SYT16: variants seen among roughly 807,000 people sequenced by gnomAD.
The protein encoded by SYT16 is synaptotagmin-16.
In SYT16, 42 loss-of-function variants were observed where a neutral mutation model predicts 61.4. The ratio of observed to expected loss-of-function variants is 0.68; its 90% CI spans 0.53 to 0.89. The LOEUF is 0.89. Among genes scored for constraint, SYT16 ranks in the 40% least tolerant of loss-of-function variants. The pLI is 0.00. For synonymous variants in SYT16, 314 were observed against 302.3 expected (o/e 1.04, Z -0.40); for missense variants, 804 against 807.3 (o/e 1.00, Z 0.05).
chr14:61,989,034 A>G (rs954083962), intron 2 of SYT16, among the ~76,000 whole-genome samples: 2 of 152,104 alleles, frequency 1.3e-5, no homozygotes, highest in Non-Finnish European at 2.9e-5. Context: ...GTTTTTTTCA[A>G]CTGTAAAATG....
chr14:62,030,670 A>G (rs952069257), intron 3 of SYT16, among the ~76,000 whole-genome samples: 2 of 152,078 alleles, frequency 1.3e-5, no homozygotes, highest in African/African-American at 4.8e-5. Context: ...TTTGTTTTTC[A>G]TTTGGTTATT....
chr14:61,841,285 G>C (rs188298287), intron 1 of SYT16, among the ~76,000 whole-genome samples: 1 of 152,102 alleles, frequency 6.6e-6, no homozygotes, highest in South Asian at 2.1e-4. Context: ...CATTGTATGG[G>C]GATACATTTA....
chr14:61,818,175 G>C (rs1193739041), intron 1 of SYT16, among the ~76,000 whole-genome samples: 2 of 152,144 alleles, frequency 1.3e-5, no homozygotes, highest in African/African-American at 4.8e-5. Flanking sequence ...ATAGTATAGT[G>C]AACCCCCATG....
In SYT16 at chr14:61,995,543, C is replaced by T. The variant is rs948378086; in HGVS notation, c.-144-333C>T. ...TAGATGAAACATCTGACCTTTTTTG[C>T]GTTTTGAAATGTCATGCCCAATTGG... On this transcript the variant is annotated intron_variant, in intron 2 of 7. Transcript: ENST00000683842. Among the ~76,000 whole-genome samples, 8 of 151,838 alleles carry T rather than the reference C, an allele frequency of 5.3e-5. No homozygotes were observed. In the East Asian group the frequency reaches 5.8e-4, roughly 11 times the overall value.
chr14:61,961,497 C>A (rs145659890), intron 1 of SYT16, among the ~76,000 whole-genome samples: 2 of 152,106 alleles, frequency 1.3e-5, no homozygotes, highest in African/African-American at 4.8e-5. Context: ...TACACGTGGC[C>A]AACAAGTAAG....
chr14:61,842,543 A>G (rs1378415910), intron 1 of SYT16, among the ~76,000 whole-genome samples: 1 of 152,136 alleles, frequency 6.6e-6, no homozygotes, highest in African/African-American at 2.4e-5. Context: ...TCTATTGTGT[A>G]TAAGTACCAC....
chr14:61,974,495 G>A (rs886990867), intron 2 of SYT16, among the ~76,000 whole-genome samples: 2 of 152,108 alleles, frequency 1.3e-5, no homozygotes, highest in African/African-American at 4.8e-5. Flanking sequence ...GCTGCCTAGG[G>A]TCATCACCAA....
rs556744179 is a variant in SYT16 at position 62,061,974 on chromosome 14, T to A, written c.524-7629T>A. 3.3e-5 allele frequency among the ~76,000 whole-genome samples: 5 copies of A among 149,814 alleles called. No homozygotes were observed. The East Asian group carries it at 9.7e-4, about 29-fold the overall frequency. ...ATGTTGTTGTGAATTTATAATTTTT[T>A]ACTTGTAGAGGGGTTAGTTTGAATC... On this transcript the variant is annotated intron_variant, in intron 3 of 7. Transcript: ENST00000683842.
At chr14:61,996,568 C>G in intron 3 of SYT16, 26 bp downstream of exon 3, 1 of 1,558,176 alleles carries the variant, frequency 6.4e-7, no homozygotes, top group Non-Finnish European at 8.6e-7. Flanking sequence ...ATCATTTTCT[C>G]TGCGTTCCTC....
chr14:62,011,666 A>G (rs1254001939), intron 3 of SYT16, among the ~76,000 whole-genome samples: 1 of 152,062 alleles, frequency 6.6e-6, no homozygotes, highest in Non-Finnish European at 1.5e-5. Flanking sequence ...ATGGGTGTCA[A>G]AAAACCCCAC....
intron 1 of SYT16, among the ~76,000 whole-genome samples, chr14:61,932,513 A>G (rs2049813565): frequency 6.6e-6 from 1 of 152,168 alleles, no homozygotes; most frequent in African/African-American, 2.4e-5. Context: ...ATTAAACCTT[A>G]TAAAACCATC....
chr14:62,073,913 G>T (rs1236208973), intron 4 of SYT16, among the ~76,000 whole-genome samples: 2 of 152,202 alleles, frequency 1.3e-5, no homozygotes, highest in Non-Finnish European at 2.9e-5. Flanking sequence ...CCATCCAGAA[G>T]CTTACATTCT....
Position 62,043,843 on chromosome 14 carries a change from A to G in SYT16, c.524-25760A>G, listed in dbSNP as rs562184392. ...TTAAACTTCTTTGCATGACTGCTAC[A>G]AACTGTTTTTGTAGAGACAGAATCT... On this transcript the variant is annotated intron_variant, in intron 3 of 7. Coordinates refer to ENST00000683842, the MANE Select transcript of SYT16 (RefSeq NM_001367656.1). Among the ~76,000 whole-genome samples, 56 of 152,126 alleles carry G rather than the reference A, an allele frequency of 3.7e-4. 1 individual carries two copies. The South Asian group carries it at 0.011, about 31-fold the overall frequency.
chr14:61,852,647 T>C (rs1376932763), intron 1 of SYT16, among the ~76,000 whole-genome samples: 1 of 152,224 alleles, frequency 6.6e-6, no homozygotes, highest in Non-Finnish European at 1.5e-5. Flanking sequence ...CCTTGTTAGC[T>C]GTATTCCTAG....
chr14:61,978,311 G>A (rs1220224303), intron 2 of SYT16, among the ~76,000 whole-genome samples: 1 of 152,132 alleles, frequency 6.6e-6, no homozygotes, highest in East Asian at 1.9e-4. Context: ...TTGGAGGCAA[G>A]ATTCTCTTTT....
chr14:62,045,156 A>ATAAG (rs1350265320), intron 3 of SYT16, among the ~76,000 whole-genome samples: 3 of 152,060 alleles, frequency 2.0e-5, no homozygotes, highest in Non-Finnish European at 4.4e-5. Flanking sequence ...AAATAAATAA[A>ATAAG]TAAATAAAAT....
At chr14:62,012,660 A>G (rs77322676) in intron 3 of SYT16, among the ~76,000 whole-genome samples, 5,069 of 152,252 alleles carry the variant, frequency 0.033, 129 homozygotes, top group Non-Finnish European at 0.053. Flanking sequence ...GAGAAATTGC[A>G]CAAAAGGTGG....
At chr14:61,846,902 C>T (rs2046460878) in intron 1 of SYT16, among the ~76,000 whole-genome samples, 1 of 152,114 alleles carries the variant, frequency 6.6e-6, no homozygotes, top group African/African-American at 2.4e-5. Flanking sequence ...GAAAACAACA[C>T]TATTTGCATA....
At chr14:61,958,343 T>A (rs1024199655) in intron 1 of SYT16, among the ~76,000 whole-genome samples, 3 of 151,840 alleles carry the variant, frequency 2.0e-5, no homozygotes, top group Non-Finnish European at 2.9e-5. Flanking sequence ...TTTATTTTTC[T>A]GTTTCTTGAG....
Sources: allele counts gnomAD v4.1 joint callset (sites outside exome capture counted in the v4.1 genomes callset), GRCh38; gene constraint gnomAD v4.1.1; transcripts MANE v1.5; gene names NCBI Gene and HGNC (gene_info 2026-07-23, HGNC 2026-07-21).